Variants in CNTNAP2 observed in about 807,000 individuals in gnomAD.
CNTNAP2 encodes contactin associated protein 2.
CNTNAP2 carries 98 observed loss-of-function variants against 155.2 expected under a neutral mutation model. That is an observed-to-expected ratio of 0.63 (90% CI 0.54 to 0.75). The LOEUF is 0.75. Ranked by LOEUF, CNTNAP2 falls within the 30% of genes least tolerant of loss-of-function variation. CNTNAP2 has a pLI of 0.00. For missense variants in CNTNAP2, 1,727 were observed against 1,688.1 expected (o/e 1.02, Z -0.40); for synonymous variants, 651 against 631.2 (o/e 1.03, Z -0.47).
intron 10 of CNTNAP2, among the ~76,000 whole-genome samples, chr7:147,423,395 G>C (rs1232423137): frequency 6.6e-6 from 1 of 152,112 alleles, no homozygotes; most frequent in East Asian, 1.9e-4. Context: ...ATGATGAACA[G>C]ACCTTGAATA....
At chr7:147,290,405 G>T (rs535712629) in intron 8 of CNTNAP2, among the ~76,000 whole-genome samples, 3 of 152,232 alleles carry the variant, frequency 2.0e-5, no homozygotes, top group African/African-American at 7.2e-5. Flanking sequence ...ACACTGGCAG[G>T]GTGCAGTGGC....
At chr7:147,441,841 CTCTCTCT>C (rs1797642952) in intron 10 of CNTNAP2, among the ~76,000 whole-genome samples, 1 of 147,460 alleles carries the variant, frequency 6.8e-6, no homozygotes, top group Non-Finnish European at 1.5e-5. Flanking sequence ...CTCTCTCTCT[CTCTCTCT>C]CTCCCTCCCT....
chr7:146,747,353 T>C (rs1284494217), intron 1 of CNTNAP2, among the ~76,000 whole-genome samples: 1 of 152,160 alleles, frequency 6.6e-6, no homozygotes, highest in Non-Finnish European at 1.5e-5. Flanking sequence ...TCTTCTTACC[T>C]GGAACAGCAG....
chr7:147,239,454 G>A (rs1803890915), intron 8 of CNTNAP2, among the ~76,000 whole-genome samples: 1 of 150,152 alleles, frequency 6.7e-6, no homozygotes, highest in South Asian at 2.1e-4. Context: ...GGGTTGCAGT[G>A]AGCTGAGATT....
chr7:147,585,074 C>T (rs1358123868), intron 12 of CNTNAP2, among the ~76,000 whole-genome samples: 2 of 152,124 alleles, frequency 1.3e-5, no homozygotes. Flanking sequence ...CTGCACTTTC[C>T]TATTTGACAG....
chr7:147,685,153 C>G (rs1360216109), intron 13 of CNTNAP2, among the ~76,000 whole-genome samples: 3 of 151,976 alleles, frequency 2.0e-5, no homozygotes, highest in African/African-American at 4.8e-5. Flanking sequence ...TCCCCTGGGT[C>G]TATTTGCCAT....
chr7:147,386,640 A>T (rs140696274), intron 9 of CNTNAP2, among the ~76,000 whole-genome samples: 2,991 of 152,236 alleles, frequency 0.02, 105 homozygotes, highest in African/African-American at 0.068. Context: ...TTCATTGTCC[A>T]TATCATTATC....
chr7:147,443,410 C>T (rs1016305452), intron 10 of CNTNAP2, among the ~76,000 whole-genome samples: 12 of 152,108 alleles, frequency 7.9e-5, no homozygotes, highest in African/African-American at 2.7e-4. Flanking sequence ...GGAGGGGTGT[C>T]GTCATGGCAA....
intron 1 of CNTNAP2, among the ~76,000 whole-genome samples, chr7:146,477,288 T>C (rs1796892066): frequency 1.3e-5 from 2 of 152,168 alleles, no homozygotes; most frequent in Non-Finnish European, 2.9e-5. Flanking sequence ...AAAAACAAAA[T>C]CAGGTCATAC....
intron 21 of CNTNAP2, among the ~76,000 whole-genome samples, chr7:148,295,844 GA>G (rs111998178): frequency 0.13 from 19,540 of 151,608 alleles, 1,986 homozygotes; most frequent in African/African-American, 0.28. Context: ...GAAAGGAATA[GA>G]AAAAAAAGCA....
intron 11 of CNTNAP2, among the ~76,000 whole-genome samples, chr7:147,560,569 G>C (rs1390797503): frequency 1.3e-5 from 2 of 152,076 alleles, no homozygotes; most frequent in African/African-American, 4.8e-5. Flanking sequence ...GCTTTGCCGA[G>C]CTTTCTAGCC....
At chr7:146,272,672 G>A (rs1800100639) in intron 1 of CNTNAP2, among the ~76,000 whole-genome samples, 1 of 151,652 alleles carries the variant, frequency 6.6e-6, no homozygotes, top group South Asian at 2.1e-4. Flanking sequence ...GTGTGTGTAT[G>A]TGCACACACA....
chr7:146,929,049 T>C (rs935434072), intron 3 of CNTNAP2, among the ~76,000 whole-genome samples: 3 of 152,214 alleles, frequency 2.0e-5, no homozygotes, highest in African/African-American at 7.2e-5. Context: ...CTCTGCAGAC[T>C]TAAATGTCCC....
intron 1 of CNTNAP2, among the ~76,000 whole-genome samples, chr7:146,183,911 T>C (rs560138022): frequency 3.3e-5 from 5 of 152,336 alleles, no homozygotes; most frequent in Admixed American, 1.3e-4. Context: ...GGAATCTTTT[T>C]TACTGCAGCT....
intron 1 of CNTNAP2, among the ~76,000 whole-genome samples, chr7:146,475,025 A>G (rs1584942309): frequency 6.6e-6 from 1 of 152,136 alleles, no homozygotes; most frequent in African/African-American, 2.4e-5. Flanking sequence ...ACACACACAC[A>G]CACACACACA....
intron 13 of CNTNAP2, among the ~76,000 whole-genome samples, chr7:147,830,950 A>G (rs918058771): frequency 3.9e-5 from 6 of 152,206 alleles, no homozygotes; most frequent in African/African-American, 1.4e-4. Flanking sequence ...TATTTTTCTC[A>G]AACAAAACAA....
chr7:146,116,801 C>G lies in CNTNAP2; in HGVS notation c.-76C>G. The G allele has an allele frequency of 2.4e-6, 3 of 1,227,332 alleles. No individual in the cohort carries two copies. The highest frequency in any genetic ancestry group is 3.4e-6 in the Non-Finnish European group (3 of 876,570). The allele number at this position is 1,227,332 out of a possible 1,614,324, so 76.0% of individuals were successfully genotyped here. ...GCGTATTTGAGGACAGCCCATCTCCCTTCAAGAACCCTACGGAGAGTCGGA... is the reference window on the plus strand; with the variant it reads ...GCGTATTTGAGGACAGCCCATCTCCGTTCAAGAACCCTACGGAGAGTCGGA... On this transcript the variant is annotated 5_prime_UTR_variant, in exon 1 of 24. Transcript: ENST00000361727. This position sits in a 1 kb window ranked among gnomAD's most constrained non-coding sequence, Gnocchi z 5.5.
intron 8 of CNTNAP2, among the ~76,000 whole-genome samples, chr7:147,283,915 A>G (rs1442287147): frequency 2.6e-5 from 4 of 151,712 alleles, no homozygotes; most frequent in African/African-American, 9.7e-5. Context: ...TATTCCCAAG[A>G]TTCTATGACG....
At chr7:147,679,409 C>G (rs944906288) in intron 13 of CNTNAP2, among the ~76,000 whole-genome samples, 3 of 151,638 alleles carry the variant, frequency 2.0e-5, no homozygotes, top group African/African-American at 7.3e-5. Context: ...AAATCATTAA[C>G]AAGGATTAAG....
Sources: allele counts gnomAD v4.1 joint callset (sites outside exome capture counted in the v4.1 genomes callset), GRCh38; gene constraint gnomAD v4.1.1; non-coding constraint Gnocchi (gnomAD v3.1); transcripts MANE v1.5; gene names NCBI Gene and HGNC (gene_info 2026-07-23, HGNC 2026-07-21).